The following CPSF3 variants were observed in gnomAD, a reference collection of about 807,000 sequenced individuals.
CPSF3 encodes the protein cleavage and polyadenylation specific factor 3.
Under a neutral mutation model 84.1 loss-of-function variants are expected in CPSF3, and 57 were observed. The observed-to-expected ratio is 0.68, with a 90% CI of 0.55 to 0.85. The LOEUF (loss-of-function observed/expected upper bound fraction) is 0.85, where lower values mean the gene tolerates loss of function less well. Ranked by LOEUF, CPSF3 falls within the 40% of genes least tolerant of loss-of-function variation. The probability of loss-of-function intolerance (pLI) is 0.00; values close to 1 mark genes in which losing one functional copy is unlikely to be tolerated. For synonymous variants in CPSF3, 275 were observed against 278.1 expected, an observed-to-expected ratio of 0.99 and a Z score of 0.11; for missense variants, 522 against 838.8, an observed-to-expected ratio of 0.62 and a Z score of 4.66.
intron 11 of CPSF3, among the ~76,000 whole-genome samples, chr2:9,450,318 A>AT (rs1681279167): frequency 6.6e-6 from 1 of 151,356 alleles, no homozygotes; most frequent in Admixed American, 6.6e-5. Flanking sequence ...CGCCCGGCTA[A>AT]TTTTTTTTGT....
intron 11 of CPSF3, among the ~76,000 whole-genome samples, chr2:9,452,476 T>C (rs2124843569): frequency 6.6e-6 from 1 of 152,328 alleles, no homozygotes. Context: ...TCAAAGCCGC[T>C]GCTGCTGCTT....
chr2:9,439,174 T>C (rs1212476039), intron 7 of CPSF3, among the ~76,000 whole-genome samples: 2 of 152,202 alleles, frequency 1.3e-5, no homozygotes, highest in Admixed American at 6.5e-5. Flanking sequence ...ATACATCAAA[T>C]GGAAGAATAA....
chr2:9,468,740 C>T (rs1558467802), intron 16 of CPSF3, among the ~76,000 whole-genome samples: 1 of 150,830 alleles, frequency 6.6e-6, no homozygotes, highest in Non-Finnish European at 1.5e-5. Flanking sequence ...GATTCTCCTG[C>T]CTCAACCTCC....
intron 7 of CPSF3, 52 bp downstream of exon 7, chr2:9,436,413 C>T: frequency 6.4e-7 from 1 of 1,550,876 alleles, no homozygotes; most frequent in Non-Finnish European, 8.7e-7. Context: ...GTCATTTTAT[C>T]AAGATAATAA....
chr2:9,440,106 C>A (rs1680921538), intron 7 of CPSF3, among the ~76,000 whole-genome samples: 1 of 152,070 alleles, frequency 6.6e-6, no homozygotes, highest in African/African-American at 2.4e-5. Context: ...ATTAATAATA[C>A]ATTTTTAAAA....
intron 1 of CPSF3, chr2:9,424,381 G>C (rs552758066): frequency 1.8e-6 from 1 of 544,604 alleles, no homozygotes; most frequent in African/African-American, 2.0e-5. Context: ...AGAAAGTGCA[G>C]AGGTGTTAGG....
chr2:9,430,921 A>G (rs1558449520), intron 4 of CPSF3, 41 bp downstream of exon 4: 1 of 1,529,188 alleles, frequency 6.5e-7, no homozygotes, highest in Non-Finnish European at 9.0e-7. Context: ...TTGGCTCTAT[A>G]TGGCATGTAT....
At position 9,472,948 on chromosome 2, in the gene CPSF3, T is replaced by A; in HGVS notation, c.1986T>A (p.Asp662Glu). The change falls in exon 18 of 18, where the codon GAT becomes GAA. Residue 662 changes from aspartate to glutamate, a missense_variant. Coordinates refer to ENST00000238112, the MANE Select transcript of CPSF3 (RefSeq NM_016207.4). Reference sequence around the variant, plus strand: ...AATGTGAAGAGGGAAGTGAAGACGATGAATCCCTCCGAGAAATGGTGGAGC... The same window carrying A: ...AATGTGAAGAGGGAAGTGAAGACGAAGAATCCCTCCGAGAAATGGTGGAGC... ...TVECEEGSED[D>E]ESLREMVELA... 6.2e-7 allele frequency: 1 copy of A among 1,613,974 alleles called. No homozygotes were observed. The highest frequency in any genetic ancestry group is 8.5e-7 in the Non-Finnish European group (1 of 1,179,880).
chr2:9,433,238 G>A (rs929301987), intron 5 of CPSF3, among the ~76,000 whole-genome samples: 1 of 152,208 alleles, frequency 6.6e-6, no homozygotes, highest in African/African-American at 2.4e-5. Context: ...CACTTAGGGA[G>A]CTGCTGAAAA....
chr2:9,455,458 G>A (rs961010655), intron 12 of CPSF3, among the ~76,000 whole-genome samples: 14 of 152,128 alleles, frequency 9.2e-5, no homozygotes, highest in Non-Finnish European at 1.6e-4. Flanking sequence ...TACAGCTGGA[G>A]CAGAAGTTAA....
At chr2:9,448,933 G>A (rs1681221076) in intron 11 of CPSF3, among the ~76,000 whole-genome samples, 2 of 152,068 alleles carry the variant, frequency 1.3e-5, no homozygotes, top group Admixed American at 1.3e-4. Context: ...CACATCTGAG[G>A]GTAAAGAACT....
chr2:9,423,969 C>A (rs976360680), intron 1 of CPSF3, 146 bp downstream of exon 1: 1 of 1,448,752 alleles, frequency 6.9e-7, no homozygotes, highest in South Asian at 1.4e-5. Flanking sequence ...GCTTCTCAGG[C>A]TCGAGGGGTT....
intron 14 of CPSF3, among the ~76,000 whole-genome samples, chr2:9,457,733 A>G (rs1489082940): frequency 6.6e-6 from 1 of 151,892 alleles, no homozygotes; most frequent in Non-Finnish European, 1.5e-5. Context: ...ATGGTGAACT[A>G]TTTCATTCAT....
rs191997124 is a variant in CPSF3 at position 9,438,237 on chromosome 2, C to T, written c.760+1876C>T. Among the ~76,000 whole-genome samples, 8 of 152,260 alleles carry T rather than the reference C, an allele frequency of 5.3e-5. No individual in the cohort carries two copies. The East Asian group carries it at 1.3e-3, about 26-fold the overall frequency. On this transcript the variant is annotated intron_variant, in intron 7 of 17. Coordinates refer to ENST00000238112, the MANE Select transcript of CPSF3 (RefSeq NM_016207.4). ...TTCTAGAAGCTGAATTTCCCAAATC[C>T]GAATCTAATTCAGTCTTTTGATCTT...
chr2:9,439,802 CATA>C (rs1372090097), intron 7 of CPSF3, among the ~76,000 whole-genome samples: 1 of 151,546 alleles, frequency 6.6e-6, no homozygotes, highest in African/African-American at 2.4e-5. Context: ...GCCTGGGAAA[CATA>C]ATGAGACCCA....
intron 14 of CPSF3, among the ~76,000 whole-genome samples, chr2:9,459,159 A>G (rs1441870708): frequency 6.6e-6 from 1 of 152,058 alleles, no homozygotes; most frequent in Non-Finnish European, 1.5e-5. Context: ...GTAGTCATAT[A>G]CTATACTAAA....
Position 9,439,204 on chromosome 2 carries a change from CT to C in CPSF3, c.761-1278del, listed in dbSNP as rs369910909. Among the ~76,000 whole-genome samples the C allele has an allele frequency of 1.4e-3, 206 of 151,084 alleles. 2 individuals carry two copies. Among genetic ancestry groups the C allele is most frequent in the African/African-American group, 2.5e-3 (103 of 41,196 alleles). ...GAATAACATTCACACAATAATCAGC[CT>C]TTTTTTTTACCCTTAGTTTGCTAGT... On this transcript the variant is annotated intron_variant, in intron 7 of 17. Coordinates refer to ENST00000238112, the MANE Select transcript of CPSF3 (RefSeq NM_016207.4).
At chr2:9,429,053 T>C (rs1680488375) in intron 2 of CPSF3, among the ~76,000 whole-genome samples, 1 of 152,242 alleles carries the variant, frequency 6.6e-6, no homozygotes, top group Non-Finnish European at 1.5e-5. Context: ...GCTAGATCTG[T>C]TGAACTGTTA....
intron 5 of CPSF3, among the ~76,000 whole-genome samples, chr2:9,433,249 TA>T (rs1217902247): frequency 2.6e-5 from 4 of 152,160 alleles, no homozygotes; most frequent in Non-Finnish European, 5.9e-5. Context: ...CTGCTGAAAA[TA>T]ACTGTTGAAT....
Sources: gnomAD v4.1 joint callset for allele counts (sites outside exome capture counted in the v4.1 genomes callset) on GRCh38, gnomAD v4.1.1 for gene constraint, MANE v1.5 for transcripts, NCBI Gene and HGNC (gene_info 2026-07-23, HGNC 2026-07-21) for gene names.